ACAD11: variants seen among roughly 807,000 people sequenced by gnomAD.
ACAD11 encodes the protein acyl-Coenzyme A dehydrogenase family, member 11.
ACAD11 carries 83 observed loss-of-function variants against 102.2 expected under a neutral mutation model. That is an observed-to-expected ratio of 0.81 (90% CI 0.68 to 0.97). The LOEUF is 0.97. ACAD11 is among the 50% of genes least tolerant of loss of function. ACAD11 has a pLI of 0.00. For missense variants in ACAD11, 901 were observed against 951.7 expected, an observed-to-expected ratio of 0.95 and a Z score of 0.70; for synonymous variants, 324 against 319.8, an observed-to-expected ratio of 1.01 and a Z score of -0.14.
intron 17 of ACAD11, 66 bp downstream of exon 17, chr3:132,575,706 T>C: frequency 6.3e-7 from 1 of 1,578,068 alleles, no homozygotes; most frequent in South Asian, 1.1e-5. Context: ...TCACAAGTAA[T>C]GTTTTTGTTC....
At chr3:132,568,122 G>A (rs961001285) in intron 17 of ACAD11, among the ~76,000 whole-genome samples, 1 of 152,136 alleles carries the variant, frequency 6.6e-6, no homozygotes, top group Non-Finnish European at 1.5e-5. Context: ...AGCTACTTGG[G>A]AGGCTGAGGC....
chr3:132,570,294 G>A (rs1038519613), intron 17 of ACAD11, among the ~76,000 whole-genome samples: 1 of 152,040 alleles, frequency 6.6e-6, no homozygotes, highest in Non-Finnish European at 1.5e-5. Context: ...TGGTCCAAGT[G>A]TTGTGGGTTA....
At chr3:132,632,686 A>T (rs1025902704) in intron 5 of ACAD11, among the ~76,000 whole-genome samples, 2 of 152,054 alleles carry the variant, frequency 1.3e-5, no homozygotes, top group African/African-American at 2.4e-5. Context: ...CCATTTTCAC[A>T]ATATTGATTC....
chr3:132,643,291 G>A (rs1039257548), intron 2 of ACAD11, among the ~76,000 whole-genome samples: 1 of 152,184 alleles, frequency 6.6e-6, no homozygotes, highest in African/African-American at 2.4e-5. Flanking sequence ...GAGAGCAAGG[G>A]AGGCATGTGT....
chr3:132,618,982 CT>C (rs1939511704), intron 10 of ACAD11: 1 of 430,418 alleles, frequency 2.3e-6, no homozygotes, highest in Admixed American at 4.4e-5. Context: ...ATGTCTTTTC[CT>C]CCAAGCTTCC....
At chr3:132,652,793 G>A (rs1559980076) in intron 1 of ACAD11, among the ~76,000 whole-genome samples, 2 of 152,142 alleles carry the variant, frequency 1.3e-5, no homozygotes. Flanking sequence ...CCCTTAGAGG[G>A]TAGCTTCAGC....
intron 1 of ACAD11, among the ~76,000 whole-genome samples, chr3:132,653,752 C>A (rs1269292787): frequency 6.6e-6 from 1 of 152,094 alleles, no homozygotes; most frequent in Non-Finnish European, 1.5e-5. Flanking sequence ...ATGGTTTTCC[C>A]CCACCTCTTT....
chr3:132,612,287 G>A (rs1171432655), intron 11 of ACAD11, among the ~76,000 whole-genome samples: 1 of 151,902 alleles, frequency 6.6e-6, no homozygotes, highest in Non-Finnish European at 1.5e-5. Flanking sequence ...AGAAAACCTA[G>A]GCAATACCAT....
At chr3:132,642,981 T>A (rs554398931) in intron 2 of ACAD11, among the ~76,000 whole-genome samples, 179 bp from the exon 3 acceptor site, 2 of 152,320 alleles carry the variant, frequency 1.3e-5, no homozygotes, top group Admixed American at 6.5e-5. Context: ...ATCACTATGA[T>A]TATAAATTAG....
intron 5 of ACAD11, among the ~76,000 whole-genome samples, chr3:132,633,624 G>A (rs1341560577): frequency 2.6e-5 from 4 of 152,062 alleles, no homozygotes; most frequent in Non-Finnish European, 4.4e-5. Flanking sequence ...TTTTTGTATT[G>A]ATTGGAATAG....
intron 5 of ACAD11, among the ~76,000 whole-genome samples, chr3:132,633,882 C>T (rs564918930): frequency 6.4e-4 from 98 of 152,160 alleles, no homozygotes; most frequent in African/African-American, 2.1e-3. Context: ...GGATCCCTTC[C>T]TTACACCTTA....
rs1251671903 is a variant in ACAD11 at position 132,628,331 on chromosome 3, T to C, written c.1070+9A>G. ...AATTTGAGTTAGCCAAGGAATCTGT[T>C]TTCCTTACCGTTTGGAGAGTTGTAG... On this transcript the variant is annotated intron_variant, in intron 8 of 19. Coordinates refer to ENST00000264990, the MANE Select transcript of ACAD11 (RefSeq NM_032169.5). 1 of 1,600,104 alleles carries C rather than the reference T, an allele frequency of 6.2e-7. No homozygotes were observed. Among genetic ancestry groups the C allele is most frequent in the Non-Finnish European group, 8.5e-7 (1 of 1,169,674 alleles).
intron 5 of ACAD11, among the ~76,000 whole-genome samples, chr3:132,637,733 C>T (rs1940325384): frequency 6.6e-6 from 1 of 152,138 alleles, no homozygotes; most frequent in South Asian, 2.1e-4. Context: ...CTTGCCCAAA[C>T]ATGCTTTAAA....
intron 8 of ACAD11, 58 bp from the exon 9 acceptor site, chr3:132,626,875 CA>C (rs1939838018): frequency 6.5e-7 from 1 of 1,538,654 alleles, no homozygotes; most frequent in South Asian, 1.2e-5. Flanking sequence ...ATCATTATTA[CA>C]TATTTCTAAT....
intron 11 of ACAD11, among the ~76,000 whole-genome samples, chr3:132,616,105 G>A (rs1319814782): frequency 6.6e-6 from 1 of 152,106 alleles, no homozygotes; most frequent in Non-Finnish European, 1.5e-5. Context: ...TGCAATGCTT[G>A]AGGCCTTCGT....
At chr3:132,649,388 G>A (rs1940848140) in intron 1 of ACAD11, among the ~76,000 whole-genome samples, 1 of 152,234 alleles carries the variant, frequency 6.6e-6, no homozygotes. Context: ...TGGGAGGTGA[G>A]ACATGTTGGC....
chr3:132,561,286 A>G (rs764981701), intron 17 of ACAD11, 69 bp from the exon 18 acceptor site: 1 of 1,141,536 alleles, frequency 8.8e-7, no homozygotes, highest in East Asian at 2.4e-5. Context: ...CGTGTAACAC[A>G]GTCTTATAGT....
intron 11 of ACAD11, among the ~76,000 whole-genome samples, chr3:132,606,522 A>C (rs2107829430): frequency 6.6e-6 from 1 of 152,340 alleles, no homozygotes; most frequent in South Asian, 2.1e-4. Context: ...AAACTTGGAT[A>C]AACTACACCA....
chr3:132,642,240 A>C, intron 3 of ACAD11, 107 bp from the exon 4 acceptor site: 1 of 1,056,788 alleles, frequency 9.5e-7, no homozygotes. Flanking sequence ...TAGAGTATAC[A>C]TGCCAAAGGG....
Sources: allele counts gnomAD v4.1 joint callset (sites outside exome capture counted in the v4.1 genomes callset), GRCh38; gene constraint gnomAD v4.1.1; transcripts MANE v1.5; gene names NCBI Gene and HGNC (gene_info 2026-07-23, HGNC 2026-07-21).